The following AFG1L variants were observed in gnomAD, a reference collection of about 807,000 sequenced individuals.
AFG1L encodes AFG1-like ATPase.
A neutral mutation model predicts 62.2 loss-of-function variants in AFG1L; 53 were observed. The observed-to-expected ratio is 0.85, with a 90% confidence interval of 0.68 to 1.07. The LOEUF (loss-of-function observed/expected upper bound fraction) is 1.07, where lower values mean the gene tolerates loss of function less well. Among genes scored for constraint, AFG1L ranks in the 50% least tolerant of loss-of-function variants. The pLI is 0.00. For synonymous variants in AFG1L, 228 were observed against 210.3 expected, an observed-to-expected ratio of 1.08 and a Z score of -0.73; for missense variants, 555 against 590.5, an observed-to-expected ratio of 0.94 and a Z score of 0.62.
chr6:108,379,723 G>A (rs1181598297), intron 6 of AFG1L, among the ~76,000 whole-genome samples: 5 of 152,248 alleles, frequency 3.3e-5, no homozygotes, highest in African/African-American at 4.8e-5. Flanking sequence ...ATGAGGATGA[G>A]GAGATGCCCT....
chr6:108,332,494 A>G (rs1409243411), intron 2 of AFG1L, among the ~76,000 whole-genome samples: 1 of 152,252 alleles, frequency 6.6e-6, no homozygotes, highest in Non-Finnish European at 1.5e-5. Flanking sequence ...TATCTATGTG[A>G]AGATTAAAGT....
intron 7 of AFG1L, among the ~76,000 whole-genome samples, chr6:108,413,971 A>G (rs1380441744): frequency 1.3e-5 from 2 of 152,218 alleles, no homozygotes; most frequent in African/African-American, 2.4e-5. Flanking sequence ...AAAAAAATCA[A>G]TGAATCCAGG....
intron 2 of AFG1L, among the ~76,000 whole-genome samples, chr6:108,330,175 C>CTTTATTAT (rs1778213917): frequency 8.1e-6 from 1 of 123,224 alleles, no homozygotes; most frequent in African/African-American, 2.6e-5. Context: ...AAATAAATTC[C>CTTTATTAT]TTTTTTATTT....
At chr6:108,350,450 C>T (rs1214195468) in intron 3 of AFG1L, among the ~76,000 whole-genome samples, 3 of 152,108 alleles carry the variant, frequency 2.0e-5, no homozygotes, top group Non-Finnish European at 2.9e-5. Flanking sequence ...CTCACTTCAC[C>T]TCTTTCTTCG....
chr6:108,347,246 C>G (rs1778899511), intron 3 of AFG1L, among the ~76,000 whole-genome samples: 1 of 152,030 alleles, frequency 6.6e-6, no homozygotes, highest in Non-Finnish European at 1.5e-5. Context: ...TAGTCTAGGG[C>G]AGAATTAGTC....
chr6:108,338,335 CTT>C (rs529489998), intron 2 of AFG1L, among the ~76,000 whole-genome samples: 66 of 152,224 alleles, frequency 4.3e-4, no homozygotes, highest in African/African-American at 1.5e-3. Flanking sequence ...TCTGAGAAAA[CTT>C]TTTCCTCCAT....
At chr6:108,451,811 C>T (rs981198828) in intron 8 of AFG1L, among the ~76,000 whole-genome samples, 5 of 151,978 alleles carry the variant, frequency 3.3e-5, no homozygotes, top group African/African-American at 7.3e-5. Flanking sequence ...CTCTGCTTCC[C>T]GGGTTCAAGC....
In AFG1L at chr6:108,368,640, A is replaced by G. The variant is rs557705113; in HGVS notation, c.748+2308A>G. Among the ~76,000 whole-genome samples the G allele has an allele frequency of 4.6e-5, 7 of 152,266 alleles. No homozygotes were observed. In the South Asian group the frequency reaches 1.4e-3, roughly 32 times the overall value. On this transcript the variant is annotated intron_variant, in intron 6 of 12. Transcript: ENST00000368977. ...GTGAAACTTGTCTCTACTACAGCTG[A>G]TGTGTTGATTTGACAGTGGCATCAG... is the stretch of plus-strand genomic sequence containing the variant.
At chr6:108,310,575 C>CTTTT (rs79088170) in intron 1 of AFG1L, among the ~76,000 whole-genome samples, 2 of 132,540 alleles carry the variant, frequency 1.5e-5, no homozygotes, top group South Asian at 2.4e-4. Context: ...TTTTCACCTT[C>CTTTT]TTTTTTTTTT....
intron 2 of AFG1L, among the ~76,000 whole-genome samples, chr6:108,333,365 C>T (rs929458828): frequency 9.9e-5 from 15 of 151,480 alleles, no homozygotes; most frequent in African/African-American, 2.4e-4. Context: ...AGGTGATATC[C>T]GCCACTGCAC....
intron 8 of AFG1L, among the ~76,000 whole-genome samples, chr6:108,464,075 G>A (rs1772572787): frequency 6.6e-6 from 1 of 152,048 alleles, no homozygotes; most frequent in African/African-American, 2.4e-5. Flanking sequence ...GGAGAGAGAG[G>A]GACTAAGGAA....
intron 6 of AFG1L, among the ~76,000 whole-genome samples, chr6:108,377,504 CTT>C (rs916022351): frequency 4.6e-5 from 7 of 152,124 alleles, no homozygotes; most frequent in Admixed American, 6.5e-5. Context: ...TGCTATGAAA[CTT>C]AATTTGGCAG....
At chr6:108,353,714 C>T (rs2114448945) in intron 3 of AFG1L, among the ~76,000 whole-genome samples, 1 of 152,146 alleles carries the variant, frequency 6.6e-6, no homozygotes, top group East Asian at 1.9e-4. Flanking sequence ...GTATACTACA[C>T]TGCATGCAGC....
chr6:108,466,761 AT>A (rs1772685793), intron 8 of AFG1L, among the ~76,000 whole-genome samples: 2 of 143,038 alleles, frequency 1.4e-5, no homozygotes, highest in African/African-American at 5.2e-5. Context: ...ATTTGTTAAA[AT>A]ATATATATTT....
intron 1 of AFG1L, among the ~76,000 whole-genome samples, chr6:108,320,521 G>T (rs1258952546): frequency 6.6e-6 from 1 of 152,146 alleles, no homozygotes; most frequent in Admixed American, 6.5e-5. Context: ...CCATTTGGTA[G>T]GGGTTGGAGT....
chr6:108,310,600 A>T, intron 1 of AFG1L, among the ~76,000 whole-genome samples: 1 of 140,782 alleles, frequency 7.1e-6, no homozygotes, highest in Non-Finnish European at 1.5e-5. Context: ...TTTGAGACAG[A>T]GTCTTGCTCT....
chr6:108,308,777 C>T (rs1464353214), intron 1 of AFG1L, among the ~76,000 whole-genome samples: 1 of 152,112 alleles, frequency 6.6e-6, no homozygotes, highest in Non-Finnish European at 1.5e-5. Context: ...AATCTTGGCT[C>T]ACTGCAGCCT....
intron 3 of AFG1L, among the ~76,000 whole-genome samples, chr6:108,347,974 A>G (rs552406688): frequency 6.6e-6 from 1 of 151,910 alleles, no homozygotes; most frequent in Non-Finnish European, 1.5e-5. Flanking sequence ...GCCACAACAC[A>G]TTTGCGTTAT....
At chr6:108,477,138 G>T in intron 9 of AFG1L, 54 bp from the exon 10 acceptor site, 1 of 1,216,574 alleles carries the variant, frequency 8.2e-7, no homozygotes, top group Non-Finnish European at 1.2e-6. Flanking sequence ...TGTAAGAGAT[G>T]AATTTTATAG....
Sources: gnomAD v4.1 joint callset for allele counts (sites outside exome capture counted in the v4.1 genomes callset) on GRCh38, gnomAD v4.1.1 for gene constraint, MANE v1.5 for transcripts, NCBI Gene and HGNC (gene_info 2026-07-23, HGNC 2026-07-21) for gene names.